The following TSC2 variants were observed in gnomAD, a reference collection of about 807,000 sequenced individuals.
TSC2 encodes TSC complex subunit 2, also known as tuberin.
Under a neutral mutation model 202.2 loss-of-function variants are expected in TSC2, and 29 were observed. The ratio of observed to expected loss-of-function variants is 0.14; its 90% CI spans 0.11 to 0.20. TSC2 has a LOEUF of 0.20. TSC2 is among the 10% of genes least tolerant of loss of function. TSC2 has a pLI of 1.00. For synonymous variants in TSC2, 1,349 were observed against 1,044.0 expected (o/e 1.29, Z -5.63); for missense variants, 2,429 against 2,420.0 (o/e 1.00, Z -0.08).
intron 32 of TSC2, chr16:2,083,054 G>A: frequency 2.2e-6 from 1 of 452,512 alleles, no homozygotes; most frequent in Admixed American, 2.4e-5. Flanking sequence ...TGGTTTGGAA[G>A]GGCTGCGTGG....
intron 29 of TSC2, 66 bp from the exon 30 acceptor site, chr16:2,080,099 C>G (rs1223447199): frequency 1.3e-6 from 2 of 1,600,004 alleles, no homozygotes; most frequent in Admixed American, 3.3e-5. Context: ...GGGGAGCATT[C>G]AGCTTGAGGC....
intron 9 of TSC2, among the ~76,000 whole-genome samples, chr16:2,057,483 G>T (rs954726352): frequency 2.6e-5 from 4 of 152,214 alleles, no homozygotes; most frequent in African/African-American, 9.6e-5. Context: ...TTGGCTTGAC[G>T]TTGCCCTTGC....
rs45517168 is a variant in TSC2, at chr16:2,062,902, A to G, written c.1362-70A>G. ...ACCCAGAGTCGGGCTGGCCTGCGCC[A>G]GGCAGACGGGCTGGTGTGGGGCTGT... On this transcript the variant is annotated intron_variant, in intron 13 of 41. Transcript: ENST00000219476. 37 of 1,515,838 alleles carry G rather than the reference A, an allele frequency of 2.4e-5. 1 individual carries two copies. In the South Asian group the frequency reaches 4.1e-4, roughly 17 times the overall value. The allele number at this position is 1,515,838 out of a possible 1,614,324, so 93.9% of individuals were successfully genotyped here. A position where few individuals can be genotyped will look rare whatever the true frequency, so the allele number is the denominator to read the frequency against.
At chr16:2,069,634 C>A (rs1352504263) in intron 16 of TSC2, among the ~76,000 whole-genome samples, 10 of 152,194 alleles carry the variant, frequency 6.6e-5, no homozygotes, top group African/African-American at 2.4e-4. Flanking sequence ...TGCCCACCAC[C>A]ACGCCCGGCT....
intron 22 of TSC2, 66 bp from the exon 23 acceptor site, chr16:2,075,733 C>T (rs1018361310): frequency 2.3e-5 from 35 of 1,542,104 alleles, no homozygotes; most frequent in African/African-American, 5.4e-5. Flanking sequence ...GCAGAGCAGC[C>T]GTGTTGGCCT....
At chr16:2,055,099 GCGTCTC>G in intron 5 of TSC2, 1 of 465,942 alleles carries the variant, frequency 2.1e-6, no homozygotes, top group Non-Finnish European at 4.0e-6. Flanking sequence ...GGTGATGTCG[GCGTCTC>G]CCAGCCTCGG....
chr16:2,065,314 G>A, intron 15 of TSC2: 1 of 577,906 alleles, frequency 1.7e-6, no homozygotes, highest in East Asian at 3.0e-5. Context: ...TGGGGAGGCT[G>A]AGGCAGGAGA....
chr16:2,072,397 C>T (rs371570610), intron 20 of TSC2, 34 bp downstream of exon 20: 8 of 1,612,580 alleles, frequency 5.0e-6, no homozygotes, highest in African/African-American at 1.3e-5. Context: ...GGGTGGGGGA[C>T]CCAGTAGGGT....
At chr16:2,063,998 C>T (rs958242795) in intron 14 of TSC2, 2 of 534,964 alleles carry the variant, frequency 3.7e-6, no homozygotes, top group Non-Finnish European at 3.4e-6. Flanking sequence ...GGCCTCACCT[C>T]GGCTGCTCCT....
intron 1 of TSC2, 110 bp from the exon 2 acceptor site, chr16:2,048,477 G>A: frequency 7.3e-7 from 1 of 1,372,488 alleles, no homozygotes; most frequent in South Asian, 1.2e-5. Context: ...AGTGTGGGAG[G>A]AAAGGTTATG....
intron 25 of TSC2, among the ~76,000 whole-genome samples, chr16:2,076,902 C>G (rs1220680368): frequency 6.6e-6 from 1 of 152,174 alleles, no homozygotes; most frequent in South Asian, 2.1e-4. Flanking sequence ...TCTGCAGCCC[C>G]CAGCCTGCTG....
Position 2,077,661 on chromosome 16 carries a change from GGAGAGC to G in TSC2, c.2902_2907del (p.Glu968_Ser969del), listed in dbSNP as rs1460562160. Reference sequence around the variant, plus strand: ...ACTCTCCACCCGTGAAAGAATTCAAGGAGAGCTCTGCAGCCGAGGCCTTCCGGTGCC... The same window carrying G: ...ACTCTCCACCCGTGAAAGAATTCAAGTCTGCAGCCGAGGCCTTCCGGTGCC... On this transcript the variant is annotated inframe_deletion, in exon 26 of 42. Coordinates refer to ENST00000219476, the MANE Select transcript of TSC2 (RefSeq NM_000548.5). 7 of 1,613,120 alleles carry G rather than the reference GGAGAGC, an allele frequency of 4.3e-6. No homozygotes were observed. The highest frequency in any genetic ancestry group is 5.9e-6 in the Non-Finnish European group (7 of 1,180,032).
rs1060500930 is a variant in TSC2 at position 2,085,272 on chromosome 16, C to G, written c.4612C>G (p.Pro1538Ala). The change falls in exon 36 of 42, where the codon CCA becomes GCA. Residue 1538 changes from proline to alanine, a missense_variant. Pro to Ala is a conservative substitution (Grantham distance 27). Coordinates refer to ENST00000219476, the MANE Select transcript of TSC2 (RefSeq NM_000548.5). ...GTCGGTGCAGCTCCTCGACCAGATCCCATCATACGACACCCACAAGATCGC... is the reference window on the plus strand; with the variant it reads ...GTCGGTGCAGCTCCTCGACCAGATCGCATCATACGACACCCACAAGATCGC... ...ERSVQLLDQI[P>A]SYDTHKIAVL... 6.2e-7 allele frequency: 1 copy of G among 1,612,754 alleles called. No homozygotes were observed. The highest frequency in any genetic ancestry group is 1.3e-5 in the African/African-American group (1 of 75,062).
chr16:2,070,856 C>A (rs2088213814), intron 17 of TSC2, among the ~76,000 whole-genome samples: 1 of 152,180 alleles, frequency 6.6e-6, no homozygotes, highest in Non-Finnish European at 1.5e-5. Flanking sequence ...AGTGCATGGC[C>A]CTGACGCTCC....
Position 2,072,130 on chromosome 16 carries a change from GCT to G in TSC2, c.2098-109_2098-108del. 6 of 1,585,314 alleles carry G rather than the reference GCT, an allele frequency of 3.8e-6. No homozygotes were observed. The Admixed American group carries it at 1.0e-4, about 27-fold the overall frequency. On this transcript the variant is annotated intron_variant, in intron 19 of 41. Coordinates refer to ENST00000219476, the MANE Select transcript of TSC2 (RefSeq NM_000548.5). ...GCAGGCTCCCCCGGCTGAGAACAGG[GCT>G]CCATAGCCCTTGACGCTGTGCAGCC...
intron 17 of TSC2, among the ~76,000 whole-genome samples, chr16:2,071,179 C>A (rs2088301129): frequency 6.6e-6 from 1 of 152,258 alleles, no homozygotes; most frequent in Non-Finnish European, 1.5e-5. Context: ...GGGCTGGGAG[C>A]TGAGCTCCGC....
chr16:2,053,162 C>T (rs563785077), intron 3 of TSC2, among the ~76,000 whole-genome samples, 180 bp from the exon 4 acceptor site: 8 of 152,190 alleles, frequency 5.3e-5, no homozygotes, highest in South Asian at 2.1e-4. Context: ...GTTCCCTGTA[C>T]GAAGCCTGTG....
intron 14 of TSC2, chr16:2,064,033 T>G (rs2086972138): frequency 3.3e-6 from 2 of 603,164 alleles, no homozygotes; most frequent in Admixed American, 2.7e-5. Flanking sequence ...CCCGTGTCTG[T>G]GCCCGGCCGC....
chr16:2,060,232 C>G (rs575309018), intron 10 of TSC2, among the ~76,000 whole-genome samples: 1 of 152,300 alleles, frequency 6.6e-6, no homozygotes, highest in Admixed American at 6.5e-5. Flanking sequence ...GGGGCGATCA[C>G]GTCGTCCTGG....
Sources: allele counts gnomAD v4.1 joint callset (sites outside exome capture counted in the v4.1 genomes callset), GRCh38; gene constraint gnomAD v4.1.1; transcripts MANE v1.5; gene names NCBI Gene and HGNC (gene_info 2026-07-23, HGNC 2026-07-21).